TBC1D4: variants seen among roughly 807,000 people sequenced by gnomAD.
TBC1D4 encodes the protein TBC1 domain family member 4, also known as TBC (Tre-2, BUB2, CDC16) domain-containing protein.
Under a neutral mutation model 142.5 loss-of-function variants are expected in TBC1D4, and 121 were observed. The observed-to-expected ratio is 0.85, with a 90% confidence interval of 0.73 to 0.99. TBC1D4 has a LOEUF of 0.99. Among genes scored for constraint, TBC1D4 ranks in the 50% least tolerant of loss-of-function variants. TBC1D4 has a pLI of 0.00. For missense variants in TBC1D4, 1,475 were observed against 1,606.6 expected (o/e 0.92, Z 1.40); for synonymous variants, 630 against 628.2 (o/e 1.00, Z -0.04).
intron 1 of TBC1D4, among the ~76,000 whole-genome samples, chr13:75,418,882 T>C (rs910326544): frequency 6.6e-6 from 1 of 152,228 alleles, no homozygotes; most frequent in Admixed American, 6.5e-5. Context: ...GTTACTATCA[T>C]AGCAGCAGTT....
chr13:75,429,983 T>A (rs2138155343), intron 1 of TBC1D4, among the ~76,000 whole-genome samples: 1 of 152,266 alleles, frequency 6.6e-6, no homozygotes, highest in East Asian at 1.9e-4. Flanking sequence ...AGAGCTAGAG[T>A]TAGTCCACAT....
chr13:75,436,643 T>C (rs1886811267), intron 1 of TBC1D4, among the ~76,000 whole-genome samples: 2 of 148,718 alleles, frequency 1.3e-5, no homozygotes, highest in Admixed American at 1.3e-4. Flanking sequence ...GGTGACAGAG[T>C]GAGACCCTGT....
chr13:75,326,862 T>C (rs956636571), intron 9 of TBC1D4, among the ~76,000 whole-genome samples: 3 of 152,180 alleles, frequency 2.0e-5, no homozygotes, highest in African/African-American at 7.2e-5. Context: ...TTCCGTGACA[T>C]ATCAATTGCA....
rs545245395 is a variant in TBC1D4, at chr13:75,442,918, G to A, written c.498+38352C>T. ...TGTCTGTGCCTCTTCTCTCTGCCTA[G>A]TCTATACTAAAAACAGAATCACCAC... On this transcript the variant is annotated intron_variant, in intron 1 of 20. Coordinates refer to ENST00000377636, the MANE Select transcript of TBC1D4 (RefSeq NM_014832.5). 2.0e-5 allele frequency among the ~76,000 whole-genome samples: 3 copies of A among 152,306 alleles called. No homozygotes were observed. The South Asian group carries it at 6.2e-4, about 32-fold the overall frequency.
chr13:75,302,569 T>C, intron 15 of TBC1D4, 168 bp from the exon 16 acceptor site: 2 of 754,698 alleles, frequency 2.7e-6, no homozygotes, highest in East Asian at 2.7e-5. Context: ...AGCTGAATCC[T>C]ATAGCTCTTG....
chr13:75,369,907 G>A (rs1327186489), intron 1 of TBC1D4, among the ~76,000 whole-genome samples: 2 of 152,058 alleles, frequency 1.3e-5, no homozygotes. Context: ...GGCGAGATAG[G>A]GAAGAAAAAA....
chr13:75,356,379 G>A, intron 3 of TBC1D4, 128 bp from the exon 4 acceptor site: 1 of 736,378 alleles, frequency 1.4e-6, no homozygotes, highest in Non-Finnish European at 2.4e-6. Flanking sequence ...GCAATGAAGG[G>A]GGGACATAAT....
intron 1 of TBC1D4, among the ~76,000 whole-genome samples, chr13:75,386,332 G>T (rs547502825): frequency 5.9e-4 from 90 of 151,676 alleles, no homozygotes; most frequent in Non-Finnish European, 1.1e-3. Context: ...TTATAAAAAT[G>T]CATGTTGTAA....
intron 2 of TBC1D4, among the ~76,000 whole-genome samples, chr13:75,361,351 G>T (rs751177603): frequency 2.6e-5 from 4 of 152,076 alleles, no homozygotes; most frequent in Non-Finnish European, 4.4e-5. Context: ...CACTCTCTCA[G>T]ATTCATATCT....
chr13:75,338,761 T>G (rs1880429367), intron 7 of TBC1D4, among the ~76,000 whole-genome samples: 1 of 152,188 alleles, frequency 6.6e-6, no homozygotes, highest in Admixed American at 6.5e-5. Context: ...TAATTGAATC[T>G]CAAACACATT....
intron 17 of TBC1D4, among the ~76,000 whole-genome samples, chr13:75,298,578 C>A (rs1876188932): frequency 6.6e-6 from 1 of 152,090 alleles, no homozygotes; most frequent in Admixed American, 6.6e-5. Context: ...TGGTGAAACC[C>A]CATCTCTACT....
intron 1 of TBC1D4, among the ~76,000 whole-genome samples, chr13:75,411,693 T>A (rs1478087603): frequency 1.3e-5 from 2 of 150,490 alleles, no homozygotes; most frequent in Non-Finnish European, 2.9e-5. Context: ...CTGGCTAATT[T>A]TTTATTTTTT....
Position 75,337,213 on chromosome 13 carries a change from GTTTAA to G in TBC1D4, c.1612-178_1612-174del, listed in dbSNP as rs1034992777. On this transcript the variant is annotated intron_variant, in intron 7 of 20. Coordinates refer to ENST00000377636, the MANE Select transcript of TBC1D4 (RefSeq NM_014832.5). ...GAACATAATGCTTATAAGGAAAGGGGTTTAATTTTTCATATTGTATGTAATAAAAA... is the reference window on the plus strand; with the variant it reads ...GAACATAATGCTTATAAGGAAAGGGGTTTTTCATATTGTATGTAATAAAAA... Among the ~76,000 whole-genome samples the G allele has an allele frequency of 5.0e-4, 76 of 152,174 alleles. 1 individual carries two copies. The highest frequency in any genetic ancestry group is 1.7e-3 in the African/African-American group (70 of 41,510).
intron 1 of TBC1D4, among the ~76,000 whole-genome samples, chr13:75,468,522 G>C (rs1030829918): frequency 3.3e-5 from 5 of 149,298 alleles, no homozygotes; most frequent in South Asian, 4.3e-4. Flanking sequence ...CCTATGTTTT[G>C]ATCAGGAGGG....
At chr13:75,477,377 CT>C (rs1184761282) in intron 1 of TBC1D4, among the ~76,000 whole-genome samples, 90 of 152,106 alleles carry the variant, frequency 5.9e-4, no homozygotes, top group Non-Finnish European at 5.1e-4. Flanking sequence ...CATTAAATTC[CT>C]TTTTTTAATC....
intron 1 of TBC1D4, among the ~76,000 whole-genome samples, chr13:75,393,491 C>T (rs1405116275): frequency 2.0e-5 from 3 of 152,154 alleles, no homozygotes; most frequent in Non-Finnish European, 4.4e-5. Flanking sequence ...TAATATTCTA[C>T]CCACTCATAG....
At chr13:75,347,023 C>G (rs1881204086) in intron 5 of TBC1D4, among the ~76,000 whole-genome samples, 1 of 152,102 alleles carries the variant, frequency 6.6e-6, no homozygotes, top group Non-Finnish European at 1.5e-5. Flanking sequence ...ACCTTCTGTA[C>G]TTACATAAAA....
chr13:75,425,240 G>A (rs563703544), intron 1 of TBC1D4, among the ~76,000 whole-genome samples: 131 of 152,158 alleles, frequency 8.6e-4, no homozygotes, highest in African/African-American at 2.9e-3. Flanking sequence ...AGAAAAAAAT[G>A]TTCAACATCA....
At chr13:75,322,405 T>C (rs559952354) in intron 11 of TBC1D4, among the ~76,000 whole-genome samples, 1 of 152,218 alleles carries the variant, frequency 6.6e-6, no homozygotes, top group Non-Finnish European at 1.5e-5. Context: ...CCAAAACTAA[T>C]GTGTATTTGC....
Sources: allele counts gnomAD v4.1 joint callset (sites outside exome capture counted in the v4.1 genomes callset), GRCh38; gene constraint gnomAD v4.1.1; transcripts MANE v1.5; gene names NCBI Gene and HGNC (gene_info 2026-07-23, HGNC 2026-07-21).